Variants in KCNIP1 observed in about 807,000 individuals in gnomAD.
The protein encoded by KCNIP1 is A-type potassium channel modulatory protein KCNIP1.
A neutral mutation model predicts 33.0 loss-of-function variants in KCNIP1; 18 were observed. The observed-to-expected ratio is 0.55, with a 90% confidence interval of 0.38 to 0.81. KCNIP1 has a LOEUF of 0.81. Ranked by LOEUF, KCNIP1 falls within the 30% of genes least tolerant of loss-of-function variation. The pLI, the probability that KCNIP1 is intolerant of heterozygous loss-of-function variation, is 0.00. For missense variants in KCNIP1, 238 were observed against 271.6 expected, an observed-to-expected ratio of 0.88 and a Z score of 0.87; for synonymous variants, 93 against 98.3, an observed-to-expected ratio of 0.95 and a Z score of 0.32.
chr5:170,519,236 T>G (rs57212455), intron 1 of KCNIP1, among the ~76,000 whole-genome samples: 16,788 of 152,164 alleles, frequency 0.11, 1,064 homozygotes, highest in African/African-American at 0.17. Flanking sequence ...ACTAGAGACT[T>G]TGTGTGTCTC....
intron 1 of KCNIP1, among the ~76,000 whole-genome samples, chr5:170,697,708 A>G (rs931423123): frequency 6.6e-6 from 1 of 152,098 alleles, no homozygotes; most frequent in African/African-American, 2.4e-5. Context: ...TCTGACCCTC[A>G]TGGCTCCCAG....
In KCNIP1 at chr5:170,562,361, C is replaced by T. The variant is rs572744078; in HGVS notation, c.61+57728C>T. Among the ~76,000 whole-genome samples, 5 of 152,268 alleles carry T rather than the reference C, an allele frequency of 3.3e-5. No homozygotes were observed. In the East Asian group the frequency reaches 9.7e-4, roughly 29 times the overall value. ...CCTTGTGAAATCTGAGCTCAGAGAC[C>T]ACATGACTGCATGGGGTTCTGCAAC... On this transcript the variant is annotated intron_variant, in intron 1 of 7. Coordinates refer to ENST00000328939, the MANE Select transcript of KCNIP1 (RefSeq NM_014592.4).
chr5:170,359,990 G>T (rs1211741428), intron 1 of KCNIP1, among the ~76,000 whole-genome samples: 1 of 152,216 alleles, frequency 6.6e-6, no homozygotes, highest in Non-Finnish European at 1.5e-5. Context: ...GACCACAGGG[G>T]AGCGGCTAGT....
intron 1 of KCNIP1, among the ~76,000 whole-genome samples, chr5:170,441,576 C>T (rs1300029339): frequency 2.0e-5 from 3 of 152,140 alleles, no homozygotes; most frequent in Non-Finnish European, 4.4e-5. Flanking sequence ...GCAAGAGGCA[C>T]CTGCAGCCCT....
chr5:170,553,529 C>T (rs578024525), intron 1 of KCNIP1, among the ~76,000 whole-genome samples: 29 of 152,306 alleles, frequency 1.9e-4, no homozygotes, highest in African/African-American at 6.3e-4. Flanking sequence ...CACCTGCTCT[C>T]GGTTGTTCAT....
intron 1 of KCNIP1, among the ~76,000 whole-genome samples, chr5:170,555,211 G>A (rs1756803151): frequency 6.6e-6 from 1 of 152,096 alleles, no homozygotes; most frequent in South Asian, 2.1e-4. Context: ...GCAGGCGGGC[G>A]CTCAGCCTAC....
chr5:170,521,039 A>G (rs1355401457), intron 1 of KCNIP1, among the ~76,000 whole-genome samples: 1 of 152,196 alleles, frequency 6.6e-6, no homozygotes, highest in Admixed American at 6.5e-5. Flanking sequence ...CACCCGTTTG[A>G]GAATTAACGT....
chr5:170,713,865 TA>T (rs568876672), intron 1 of KCNIP1, among the ~76,000 whole-genome samples: 3 of 150,516 alleles, frequency 2.0e-5, no homozygotes, highest in Non-Finnish European at 4.4e-5. Context: ...CTACTAAAAA[TA>T]AAAAAAAATT....
intron 1 of KCNIP1, among the ~76,000 whole-genome samples, chr5:170,713,161 T>C (rs749187254): frequency 6.6e-5 from 10 of 152,254 alleles, no homozygotes; most frequent in Non-Finnish European, 1.5e-4. Flanking sequence ...AGTAATTGCT[T>C]CAAACAAATG....
intron 1 of KCNIP1, among the ~76,000 whole-genome samples, chr5:170,433,005 G>A (rs11948756): frequency 0.032 from 4,807 of 152,200 alleles, 213 homozygotes; most frequent in African/African-American, 0.098. Context: ...TAAAGGATTA[G>A]ATGAGTGTTA....
chr5:170,549,200 C>T (rs1198953638), intron 1 of KCNIP1, among the ~76,000 whole-genome samples: 1 of 152,206 alleles, frequency 6.6e-6, no homozygotes, highest in African/African-American at 2.4e-5. Context: ...TTAACCTAAA[C>T]TTTCATCCAG....
intron 1 of KCNIP1, among the ~76,000 whole-genome samples, chr5:170,604,317 G>A (rs1042401327): frequency 6.6e-6 from 1 of 152,178 alleles, no homozygotes. Flanking sequence ...TGGAGGTGAG[G>A]TCAGGGTGCA....
At chr5:170,542,689 C>T (rs55785006) in intron 1 of KCNIP1, among the ~76,000 whole-genome samples, 35,133 of 151,978 alleles carry the variant, frequency 0.23, 6,068 homozygotes, top group African/African-American at 0.49. Flanking sequence ...ATGATAAAGG[C>T]TAATTTATAA....
At chr5:170,374,714 C>T (rs1763939581) in intron 1 of KCNIP1, 3 of 152,182 alleles carry the variant, frequency 2.0e-5, no homozygotes, top group South Asian at 4.1e-4. Context: ...AGGTTCTCTG[C>T]TCCCAGGCAG....
At chr5:170,487,076 C>A (rs961686870) in intron 1 of KCNIP1, among the ~76,000 whole-genome samples, 1 of 152,144 alleles carries the variant, frequency 6.6e-6, no homozygotes, top group Non-Finnish European at 1.5e-5. Context: ...AAGAGATTTC[C>A]TTTAAGGAAT....
chr5:170,551,603 T>C (rs1014926616), intron 1 of KCNIP1, among the ~76,000 whole-genome samples: 7 of 152,182 alleles, frequency 4.6e-5, no homozygotes, highest in Admixed American at 2.0e-4. Context: ...GTAGCATTTG[T>C]TCTTGCCAAG....
chr5:170,563,500 G>A (rs1403310420), intron 1 of KCNIP1, among the ~76,000 whole-genome samples: 1 of 152,192 alleles, frequency 6.6e-6, no homozygotes, highest in Non-Finnish European at 1.5e-5. Flanking sequence ...TGCACTGGGT[G>A]TTTGGCATAA....
At chr5:170,647,932 T>C (rs1469327713) in intron 1 of KCNIP1, among the ~76,000 whole-genome samples, 7 of 152,136 alleles carry the variant, frequency 4.6e-5, no homozygotes, top group Non-Finnish European at 5.9e-5. Flanking sequence ...AATCAATAAT[T>C]AGAAAATTAA....
At chr5:170,674,139 GGAAGGAAGGAA>G (rs1561756458) in intron 1 of KCNIP1, among the ~76,000 whole-genome samples, 8,471 of 75,866 alleles carry the variant, frequency 0.11, 769 homozygotes, top group African/African-American at 0.18. Context: ...GAGGAAGGAA[GGAAGGAAGGAA>G]GGAAGGAAGG....
Sources: gnomAD v4.1 joint callset for allele counts (sites outside exome capture counted in the v4.1 genomes callset) on GRCh38, gnomAD v4.1.1 for gene constraint, MANE v1.5 for transcripts, NCBI Gene and HGNC (gene_info 2026-07-23, HGNC 2026-07-21) for gene names.